BCAS3: variants seen among roughly 807,000 people sequenced by gnomAD.
BCAS3 encodes the protein BCAS4/BCAS3 fusion.
In BCAS3, 53 loss-of-function variants were observed where a neutral mutation model predicts 116.1. That is an observed-to-expected ratio of 0.46 (90% CI 0.37 to 0.57). The LOEUF is 0.57. Among genes scored for constraint, BCAS3 ranks in the 20% least tolerant of loss-of-function variants. BCAS3 has a pLI of 0.00. For synonymous variants in BCAS3, 391 were observed against 408.2 expected, an observed-to-expected ratio of 0.96 and a Z score of 0.51; for missense variants, 917 against 1,165.4, an observed-to-expected ratio of 0.79 and a Z score of 3.10.
At chr17:61,271,676 C>T (rs987472194) in intron 22 of BCAS3, among the ~76,000 whole-genome samples, 4 of 149,088 alleles carry the variant, frequency 2.7e-5, no homozygotes, top group African/African-American at 5.0e-5. Context: ...GGGCTGGTTT[C>T]GAACTCCTGA....
intron 7 of BCAS3, chr17:60,810,907 A>G (rs962899123): frequency 2.9e-6 from 2 of 698,048 alleles, no homozygotes; most frequent in Non-Finnish European, 2.6e-6. Context: ...TCTCACCAAG[A>G]TCATGGCAGA....
intron 7 of BCAS3, among the ~76,000 whole-genome samples, chr17:60,823,937 T>C (rs1225073799): frequency 2.0e-5 from 3 of 152,204 alleles, no homozygotes; most frequent in Non-Finnish European, 4.4e-5. Flanking sequence ...ATTCTGATAT[T>C]GAATGTCCCC....
At position 61,365,293 on chromosome 17, in the gene BCAS3, A is replaced by G. The variant is rs556007665; in HGVS notation, c.2426-3034A>G. Among the ~76,000 whole-genome samples the G allele has an allele frequency of 1.1e-3, 167 of 152,208 alleles. No individual in the cohort carries two copies. Among genetic ancestry groups the G allele is most frequent in the African/African-American group, 3.8e-3 (157 of 41,546 alleles). ...CCATCTCTTATGGACTGGGCCCAAC[A>G]TCTTACCCTAACCTTTCTTGCTATA... On this transcript the variant is annotated intron_variant, in intron 22 of 23. Transcript: ENST00000407086. The surrounding 1 kb of genome is among the most constrained non-coding windows in gnomAD (Gnocchi z 4.6).
intron 5 of BCAS3, among the ~76,000 whole-genome samples, chr17:60,717,224 T>C (rs2038723024): frequency 6.6e-6 from 1 of 151,250 alleles, no homozygotes; most frequent in Non-Finnish European, 1.5e-5. Context: ...CTTCTTTTTT[T>C]TTTTTTTGTG....
At chr17:60,949,346 C>T (rs2060706331) in intron 14 of BCAS3, among the ~76,000 whole-genome samples, 1 of 152,132 alleles carries the variant, frequency 6.6e-6, no homozygotes, top group Non-Finnish European at 1.5e-5. Flanking sequence ...CAGCCTTGAC[C>T]TCCTGGGCTC....
intron 16 of BCAS3, among the ~76,000 whole-genome samples, chr17:61,018,047 AATGTT>A (rs1383699102): frequency 3.9e-5 from 6 of 152,198 alleles, no homozygotes; most frequent in African/African-American, 1.2e-4. Context: ...CTTTGAAACA[AATGTT>A]AGTTAAGATA....
chr17:60,958,439 TAAC>T (rs1599981044), intron 14 of BCAS3, among the ~76,000 whole-genome samples: 1 of 152,224 alleles, frequency 6.6e-6, no homozygotes, highest in African/African-American at 2.4e-5. Flanking sequence ...TTCTATATAC[TAAC>T]AACAATGAAT....
chr17:60,727,407 A>G, intron 5 of BCAS3: 10 of 1,606,350 alleles, frequency 6.2e-6, no homozygotes, highest in Non-Finnish European at 8.5e-6. Flanking sequence ...TTGCTCTTAT[A>G]CTGTGTCACT....
chr17:60,999,468 G>A (rs747054839), intron 15 of BCAS3, among the ~76,000 whole-genome samples: 3 of 150,720 alleles, frequency 2.0e-5, no homozygotes, highest in Admixed American at 6.6e-5. Context: ...CTGAACCCGC[G>A]AGCTGAATGT....
rs986545436 is a variant in BCAS3, at chr17:60,810,602, A to T, written c.476+2526A>T. 8.3e-5 allele frequency: 60 copies of T among 719,996 alleles called. 1 individual carries two copies. Among genetic ancestry groups the T allele is most frequent in the Non-Finnish European group, 1.5e-4 (57 of 388,608 alleles). The allele number at this position is 719,996 out of a possible 1,614,324, so 44.6% of individuals were successfully genotyped here. ...GCTCAGATCTTCCCAAATACTGTGG[A>T]CAGTGCCTGCATCGTTCTGCAAATC... On this transcript the variant is annotated intron_variant, in intron 7 of 23. Coordinates refer to ENST00000407086, the MANE Select transcript of BCAS3 (RefSeq NM_017679.5).
At chr17:61,342,755 T>C (rs1305885852) in intron 22 of BCAS3, among the ~76,000 whole-genome samples, 2 of 151,382 alleles carry the variant, frequency 1.3e-5, no homozygotes, top group Non-Finnish European at 3.0e-5. Flanking sequence ...TCTTTTCTTT[T>C]TTTTTTTTTT....
At chr17:61,306,153 G>T (rs1006544531) in intron 22 of BCAS3, among the ~76,000 whole-genome samples, 1 of 152,172 alleles carries the variant, frequency 6.6e-6, no homozygotes, top group Admixed American at 6.5e-5. Flanking sequence ...TTCTATATGT[G>T]GAAAAGCAGT....
intron 22 of BCAS3, among the ~76,000 whole-genome samples, chr17:61,353,373 G>GGGGGTCTTATTAAAATGCA (rs2057967965): frequency 6.6e-6 from 1 of 152,150 alleles, no homozygotes; most frequent in Non-Finnish European, 1.5e-5. Context: ...TGGTGACGCC[G>GGGGGTCTTATTAAAATGCA]GCGGTCTGGG....
intron 6 of BCAS3, among the ~76,000 whole-genome samples, chr17:60,789,163 A>AG (rs922446556): frequency 1.3e-4 from 20 of 152,192 alleles, no homozygotes; most frequent in Non-Finnish European, 4.4e-5. Context: ...TTCACATTGA[A>AG]GACATAATCC....
chr17:60,705,983 CCT>C (rs1156973936), intron 4 of BCAS3, among the ~76,000 whole-genome samples: 1 of 152,180 alleles, frequency 6.6e-6, no homozygotes, highest in Non-Finnish European at 1.5e-5. Context: ...ATCTCCTCTG[CCT>C]CTGTTACCCC....
intron 5 of BCAS3, chr17:60,709,574 GA>G (rs1312355632): frequency 9.0e-6 from 3 of 334,158 alleles, no homozygotes; most frequent in Admixed American, 1.0e-4. Context: ...ACTTTTAGTA[GA>G]GATGGGTTTT....
At chr17:60,725,835 G>GTT (rs35087520) in intron 5 of BCAS3, among the ~76,000 whole-genome samples, 2 of 151,176 alleles carry the variant, frequency 1.3e-5, no homozygotes, top group African/African-American at 4.9e-5. Context: ...CTGGGGGAGG[G>GTT]TTTTTTTTTC....
rs1028512696 is a variant in BCAS3, at chr17:61,082,981, A to G, written c.2328-1486A>G. 1.3e-5 allele frequency among the ~76,000 whole-genome samples: 2 copies of G among 152,142 alleles called. No homozygotes were observed. The highest frequency in any genetic ancestry group is 2.9e-5 in the Non-Finnish European group (2 of 68,036). On this transcript the variant is annotated intron_variant, in intron 21 of 23. Transcript: ENST00000407086. The surrounding 1 kb of genome is among the most constrained non-coding windows in gnomAD (Gnocchi z 5.1). Reference sequence around the variant, plus strand: ...ATTTCAGGCTTCTGTCATCTGTCCCATGTTTCTTATCAACTTTTTATCTTC... The same window carrying G: ...ATTTCAGGCTTCTGTCATCTGTCCCGTGTTTCTTATCAACTTTTTATCTTC...
intron 12 of BCAS3, among the ~76,000 whole-genome samples, chr17:60,920,748 T>C (rs1392219031): frequency 4.6e-5 from 7 of 151,962 alleles, no homozygotes; most frequent in Non-Finnish European, 1.0e-4. Context: ...CGGGTGCCCA[T>C]AGTCCCAGCT....
Sources: gnomAD v4.1 joint callset for allele counts (sites outside exome capture counted in the v4.1 genomes callset) on GRCh38, gnomAD v4.1.1 for gene constraint, Gnocchi (gnomAD v3.1) non-coding constraint, MANE v1.5 for transcripts, NCBI Gene and HGNC (gene_info 2026-07-23, HGNC 2026-07-21) for gene names.